The following MICAL2 variants were observed in gnomAD, a reference collection of about 807,000 sequenced individuals.
The protein encoded by MICAL2 is microtubule associated monooxygenase, calponin and LIM domain containing 2.
Under a neutral mutation model 127.3 loss-of-function variants are expected in MICAL2, and 77 were observed. The observed-to-expected ratio is 0.60, with a 90% confidence interval of 0.50 to 0.73. The LOEUF (loss-of-function observed/expected upper bound fraction) is 0.73. Among genes scored for constraint, MICAL2 ranks in the 30% least tolerant of loss-of-function variants. The probability of loss-of-function intolerance (pLI) is 0.00; values close to 1 mark genes in which losing one functional copy is unlikely to be tolerated. For missense variants in MICAL2, 1,351 were observed against 1,434.4 expected (o/e 0.94, Z 0.94); for synonymous variants, 570 against 551.1 (o/e 1.03, Z -0.48).
At chr11:12,203,477 C>G (rs1449260539) in intron 3 of MICAL2, among the ~76,000 whole-genome samples, 1 of 152,200 alleles carries the variant, frequency 6.6e-6, no homozygotes, top group Non-Finnish European at 1.5e-5. Context: ...TGATTTCTCC[C>G]TGTGGCTTTA....
At chr11:12,360,140 G>T (rs1939186818), downstream of MICAL2, among the ~76,000 whole-genome samples, 1 of 129,034 alleles carries the variant, frequency 7.7e-6, no homozygotes, top group Non-Finnish European at 1.7e-5. Context: ...TAAGAATCAG[G>T]TCTTCCAGGG....
At chr11:12,337,693 G>T (rs1207693792) in intron 32 of MICAL2, among the ~76,000 whole-genome samples, 2 of 151,870 alleles carry the variant, frequency 1.3e-5, no homozygotes, top group East Asian at 1.9e-4. Flanking sequence ...CTTTATTTCT[G>T]CCTTCATTTC....
At chr11:12,150,147 A>G (rs181747316) in intron 2 of MICAL2, among the ~76,000 whole-genome samples, 1 of 152,298 alleles carries the variant, frequency 6.6e-6, no homozygotes, top group African/African-American at 2.4e-5. Flanking sequence ...AAGAAAGAAG[A>G]GTGCTATTTG....
intron 24 of MICAL2, 154 bp downstream of exon 24, chr11:12,257,125 GCTCCT>G: frequency 1.2e-6 from 1 of 803,862 alleles, no homozygotes; most frequent in Non-Finnish European, 1.9e-6. Context: ...GAGACTGGGA[GCTCCT>G]GCTAGAAGGG....
At chr11:12,346,307 C>T (rs1176873235) in intron 32 of MICAL2, among the ~76,000 whole-genome samples, 1 of 152,188 alleles carries the variant, frequency 6.6e-6, no homozygotes, top group Non-Finnish European at 1.5e-5. Context: ...TGAGCTTATA[C>T]TGTGTGCCAG....
intron 2 of MICAL2, among the ~76,000 whole-genome samples, chr11:12,143,258 A>C (rs1003637409): frequency 6.6e-6 from 1 of 152,118 alleles, no homozygotes; most frequent in East Asian, 1.9e-4. Flanking sequence ...TGGTGTTTAG[A>C]AGTAAGGAGG....
At chr11:12,194,871 T>TCAA (rs1565138221) in intron 3 of MICAL2, among the ~76,000 whole-genome samples, 2 of 152,242 alleles carry the variant, frequency 1.3e-5, no homozygotes, top group African/African-American at 2.4e-5. Flanking sequence ...ATTGTAATTT[T>TCAA]TCACATCAAA....
upstream of MICAL2, among the ~76,000 whole-genome samples, chr11:12,274,937 G>A (rs1863708560): frequency 6.6e-6 from 1 of 151,990 alleles, no homozygotes; most frequent in African/African-American, 2.4e-5. Flanking sequence ...AAGAGGCAGG[G>A]ACGGAGGCCA....
intron 34 of MICAL2, among the ~76,000 whole-genome samples, chr11:12,357,837 C>G (rs1291027986): frequency 2.0e-5 from 3 of 151,070 alleles, no homozygotes; most frequent in Non-Finnish European, 1.5e-5. Context: ...GACTCCATCT[C>G]AAAAAAAGAA....
chr11:12,214,146 G>A (rs1443842132), intron 7 of MICAL2, among the ~76,000 whole-genome samples: 4 of 152,074 alleles, frequency 2.6e-5, no homozygotes, highest in Non-Finnish European at 4.4e-5. Flanking sequence ...TAATAGGGAC[G>A]GCAGAGAAAA....
chr11:12,259,553 G>A (rs550953877), intron 25 of MICAL2: 44 of 423,074 alleles, frequency 1.0e-4, no homozygotes, highest in Admixed American at 8.2e-4. Context: ...TATATCATTA[G>A]GAGTGAGATT....
chr11:12,330,662 C>T (rs1864405207), intron 32 of MICAL2, among the ~76,000 whole-genome samples: 1 of 151,960 alleles, frequency 6.6e-6, no homozygotes, highest in South Asian at 2.1e-4. Flanking sequence ...TTACAGCAGT[C>T]AGAAATAAGC....
At chr11:12,247,566 A>G (rs1039884046) in intron 21 of MICAL2, among the ~76,000 whole-genome samples, 10 of 152,174 alleles carry the variant, frequency 6.6e-5, no homozygotes, top group Admixed American at 5.9e-4. Context: ...CTGTGAGGCC[A>G]TTTTAGGCAG....
chr11:12,319,815 A>G (rs1271800533), intron 30 of MICAL2: 1 of 1,609,060 alleles, frequency 6.2e-7, no homozygotes, highest in South Asian at 1.1e-5. Context: ...GTTAAAGGTA[A>G]CAACACTTGA....
chr11:12,344,965 T>C (rs1205460721), intron 32 of MICAL2, among the ~76,000 whole-genome samples: 1 of 151,082 alleles, frequency 6.6e-6, no homozygotes, highest in African/African-American at 2.4e-5. Context: ...TACAAAAAAT[T>C]AGCTGGTGTT....
At chr11:12,251,640 C>T (rs1861575508) in intron 22 of MICAL2, among the ~76,000 whole-genome samples, 1 of 149,154 alleles carries the variant, frequency 6.7e-6, no homozygotes, top group African/African-American at 2.5e-5. Flanking sequence ...GTGTGGGTGC[C>T]ACGGGGAGAA....
At chr11:12,111,563 A>C (rs942496066) in intron 1 of MICAL2, among the ~76,000 whole-genome samples, 1 of 152,226 alleles carries the variant, frequency 6.6e-6, no homozygotes, top group Non-Finnish European at 1.5e-5. Flanking sequence ...TGGAAACCAG[A>C]GTAGTGTGCC....
At chr11:12,215,031 A>G (rs781056204) in intron 7 of MICAL2, among the ~76,000 whole-genome samples, 1 of 152,330 alleles carries the variant, frequency 6.6e-6, no homozygotes, top group Admixed American at 6.5e-5. Flanking sequence ...CCTCCATTGC[A>G]TTATTCCATT....
At chr11:12,160,073 C>G (rs998954426) in intron 2 of MICAL2, among the ~76,000 whole-genome samples, 5 of 151,818 alleles carry the variant, frequency 3.3e-5, no homozygotes, top group African/African-American at 1.2e-4. Context: ...GCTAGTCTCC[C>G]TTCAAGCCAA....
Sources: gnomAD v4.1 joint callset for allele counts (sites outside exome capture counted in the v4.1 genomes callset) on GRCh38, gnomAD v4.1.1 for gene constraint, MANE v1.5 for transcripts, NCBI Gene and HGNC (gene_info 2026-07-23, HGNC 2026-07-21) for gene names.